Variants in EDA observed in about 807,000 individuals in gnomAD.
The protein encoded by EDA is ectodysplasin A, also known as ectodysplasin-A.
Under a neutral mutation model 23.6 loss-of-function variants are expected in EDA, and 2 were observed. The observed-to-expected ratio is 0.08, with a 90% CI of 0.03 to 0.27. The LOEUF is 0.27. Among genes scored for constraint, EDA ranks in the 10% least tolerant of loss-of-function variants. The pLI is 1.00. For synonymous variants in EDA, 131 were observed against 132.0 expected (o/e 0.99, Z 0.05); for missense variants, 229 against 324.2 (o/e 0.71, Z 2.26).
intron 1 of EDA, among the ~76,000 whole-genome samples, chrX:69,747,336 G>A (rs1037337355): frequency 8.9e-6 from 1 of 111,979 alleles, no homozygotes; most frequent in African/African-American, 3.2e-5. Context: ...AAGCAAATTC[G>A]AAAGCCCTGA....
chrX:69,884,220 ATTTG>A (rs2017793939), intron 1 of EDA, among the ~76,000 whole-genome samples: 1 of 112,043 alleles, frequency 8.9e-6, no homozygotes, highest in African/African-American at 3.2e-5. Flanking sequence ...TCACTTCAGT[ATTTG>A]TTTGTATATC....
chrX:69,872,597 C>T (rs754948475), intron 1 of EDA, among the ~76,000 whole-genome samples: 11 of 111,415 alleles, frequency 9.9e-5, no homozygotes, highest in Non-Finnish European at 2.1e-4. Flanking sequence ...GCTGGAGTAG[C>T]TATACTAATA....
chrX:69,833,663 C>T (rs900277464), intron 1 of EDA, among the ~76,000 whole-genome samples: 6 of 110,727 alleles, frequency 5.4e-5, no homozygotes, highest in African/African-American at 9.9e-5. Context: ...GCTGTGATTC[C>T]GTCTGGTCCT....
chrX:69,651,104 A>G (rs1411611641), intron 1 of EDA, among the ~76,000 whole-genome samples: 1 of 111,906 alleles, frequency 8.9e-6, no homozygotes, highest in Non-Finnish European at 1.9e-5. Context: ...AGAGTTTGGC[A>G]TGTTCAAGGT....
intron 1 of EDA, among the ~76,000 whole-genome samples, chrX:69,660,607 T>C (rs1213235258): frequency 9.1e-6 from 1 of 110,160 alleles, no homozygotes; most frequent in Non-Finnish European, 1.9e-5. Flanking sequence ...TTTTCTGTCA[T>C]TGCGATAGTT....
At chrX:69,805,072 C>T (rs1039449847) in intron 1 of EDA, among the ~76,000 whole-genome samples, 1 of 111,469 alleles carries the variant, frequency 9.0e-6, no homozygotes, top group African/African-American at 3.2e-5. Context: ...ATCTCATCAC[C>T]CTCCTGACCT....
At chrX:69,781,219 G>C (rs9887015) in intron 1 of EDA, among the ~76,000 whole-genome samples, 3 of 110,879 alleles carry the variant, frequency 2.7e-5, no homozygotes, top group African/African-American at 9.8e-5. Flanking sequence ...ATAAGTTTTC[G>C]TGTGGATGTA....
intron 1 of EDA, among the ~76,000 whole-genome samples, chrX:69,713,189 G>C (rs1848687093): frequency 1.8e-5 from 2 of 111,936 alleles, no homozygotes; most frequent in Non-Finnish European, 1.9e-5. Flanking sequence ...TTGTGCACAT[G>C]TACCCTAAAA....
At chrX:69,670,159 T>C (rs1259769136) in intron 1 of EDA, 9 of 318,590 alleles carry the variant, frequency 2.8e-5, no homozygotes, top group Middle Eastern at 8.0e-4. Context: ...ACAGACTTGC[T>C]GGGTATAGTA....
chrX:70,018,360 C>A (rs745346516), intron 2 of EDA, among the ~76,000 whole-genome samples: 1 of 111,940 alleles, frequency 8.9e-6, no homozygotes, highest in East Asian at 2.8e-4. Flanking sequence ...TTTTAAAATT[C>A]ATATGGAACC....
At chrX:69,806,417 G>A (rs1420435992) in intron 1 of EDA, among the ~76,000 whole-genome samples, 2 of 110,888 alleles carry the variant, frequency 1.8e-5, no homozygotes, top group Non-Finnish European at 3.8e-5. Context: ...CAACATATCT[G>A]AGACTCTTTT....
chrX:69,652,486 A>G (rs1486208787), intron 1 of EDA, among the ~76,000 whole-genome samples: 1 of 111,968 alleles, frequency 8.9e-6, no homozygotes, highest in Non-Finnish European at 1.9e-5. Flanking sequence ...GGCACAGATT[A>G]AAAAAAGGGA....
In EDA at chrX:70,027,885, T is replaced by G; in HGVS notation, c.555T>G (p.Asn185Lys). Reference protein sequence around the residue: ...KGKKAGPPGPNGPPGPPGPPG... With the variant: ...KGKKAGPPGPKGPPGPPGPPG... Reference sequence around the variant, plus strand: ...AGAAAGCAGGACCTCCTGGACCCAATGGCCCTCCAGGACCCCCAGGACCTC... The same window carrying G: ...AGAAAGCAGGACCTCCTGGACCCAAGGGCCCTCCAGGACCCCCAGGACCTC... The change falls in exon 4 of 8, where the codon AAT (asparagine) becomes AAG (lysine). Residue 185 changes from asparagine (N) to lysine (K), a missense_variant. Asn to Lys is a moderately conservative substitution (Grantham distance 94, BLOSUM62 0). This residue lies in a region of EDA where 175 missense variants were observed against 281.8 expected (regional missense o/e 0.62). Transcript: ENST00000374552. 3.9e-6 allele frequency: 4 copies of G among 1,019,115 alleles called. No homozygotes were observed. Among genetic ancestry groups the G allele is most frequent in the Non-Finnish European group, 5.4e-6 (4 of 734,620 alleles). 84.0% of individuals were successfully genotyped at this position (1,019,115 alleles called of 1,213,427 possible).
intron 2 of EDA, among the ~76,000 whole-genome samples, chrX:70,022,251 T>C (rs2020044522): frequency 1.8e-5 from 2 of 111,901 alleles, no homozygotes; most frequent in African/African-American, 6.5e-5. Context: ...TTATTTTCCT[T>C]AGAAGTAATT....
At chrX:69,673,668 A>T (rs1258953621) in intron 1 of EDA, among the ~76,000 whole-genome samples, 1 of 111,983 alleles carries the variant, frequency 8.9e-6, no homozygotes, top group Non-Finnish European at 1.9e-5. Context: ...ATGAGATCTA[A>T]TAATGTTCGG....
rs754708295 is a variant in EDA at position 69,880,904 on chromosome X, CT to C, written c.397-76120del. ...CTCCACAAGGACTTTGGATGTTGGACTTTGCTTTCTTGCCATTACCTAGTGG... is the reference window on the plus strand; with the variant it reads ...CTCCACAAGGACTTTGGATGTTGGACTTGCTTTCTTGCCATTACCTAGTGG... On this transcript the variant is annotated intron_variant, in intron 1 of 7. Coordinates refer to ENST00000374552, the MANE Select transcript of EDA (RefSeq NM_001399.5). 4.5e-3 allele frequency among the ~76,000 whole-genome samples: 501 copies of C among 112,185 alleles called. 2 individuals carry two copies. Among genetic ancestry groups the C allele is most frequent in the African/African-American group, 0.016 (483 of 30,900 alleles).
At chrX:69,893,519 A>T (rs1339540977) in intron 1 of EDA, among the ~76,000 whole-genome samples, 1 of 112,120 alleles carries the variant, frequency 8.9e-6, no homozygotes, top group Non-Finnish European at 1.9e-5. Flanking sequence ...CAAAAACATT[A>T]GTCCCCTAAC....
intron 1 of EDA, among the ~76,000 whole-genome samples, chrX:69,679,950 G>A (rs1470224274): frequency 2.8e-5 from 3 of 105,626 alleles, no homozygotes; most frequent in African/African-American, 7.0e-5. Flanking sequence ...TTTCTCTTGT[G>A]GGCATTTAGT....
intron 1 of EDA, among the ~76,000 whole-genome samples, chrX:69,652,282 AC>A (rs766797612): frequency 7.1e-4 from 80 of 111,890 alleles, no homozygotes; most frequent in African/African-American, 2.5e-3. Flanking sequence ...ATGGCAAACC[AC>A]TGAAAATCCT....
Sources: allele counts gnomAD v4.1 joint callset (sites outside exome capture counted in the v4.1 genomes callset), GRCh38; gene constraint gnomAD v4.1.1; regional missense constraint gnomAD v4.1.1; transcripts MANE v1.5; gene names NCBI Gene and HGNC (gene_info 2026-07-23, HGNC 2026-07-21).